Variants in GSAP observed in about 807,000 individuals in gnomAD.
GSAP encodes the protein gamma-secretase activating protein.
Under a neutral mutation model 131.7 loss-of-function variants are expected in GSAP, and 118 were observed. The ratio of observed to expected loss-of-function variants is 0.90; its 90% CI spans 0.77 to 1.04. GSAP has a LOEUF of 1.04. Ranked by LOEUF, GSAP falls within the 50% of genes least tolerant of loss-of-function variation. The pLI, the probability that GSAP is intolerant of heterozygous loss-of-function variation, is 0.00. For synonymous variants in GSAP, 381 were observed against 363.4 expected (o/e 1.05, Z -0.55); for missense variants, 1,019 against 1,013.2 (o/e 1.01, Z -0.08).
intron 1 of GSAP, among the ~76,000 whole-genome samples, chr7:77,410,809 T>C (rs1390203871): frequency 2.0e-5 from 3 of 152,130 alleles, no homozygotes; most frequent in African/African-American, 7.2e-5. Flanking sequence ...GAGAAAAACG[T>C]CATTCAGCCT....
chr7:77,347,784 A>AGTT (rs1277644413), intron 19 of GSAP, among the ~76,000 whole-genome samples: 1 of 152,186 alleles, frequency 6.6e-6, no homozygotes, highest in African/African-American at 2.4e-5. Flanking sequence ...GAGAAGAGAC[A>AGTT]GTTGGTACAT....
chr7:77,311,339 T>C lies in GSAP; in HGVS notation c.*19A>G, dbSNP rs1794324798. On this transcript the variant is annotated 3_prime_UTR_variant, in exon 31 of 31. Coordinates refer to ENST00000257626, the MANE Select transcript of GSAP (RefSeq NM_017439.4). ...GCAAGATTAAAATGGCAGCAGCAGA[T>C]CCAATTGCGTTTTCTTTTTCATAAG... The C allele has an allele frequency of 7.0e-7, 1 of 1,425,030 alleles. No homozygotes were observed. The highest frequency in any genetic ancestry group is 9.9e-7 in the Non-Finnish European group (1 of 1,007,778). The allele number at this position is 1,425,030 out of a possible 1,614,324, so 88.3% of individuals were successfully genotyped here. A position where few individuals can be genotyped will look rare whatever the true frequency, so the allele number is the denominator to read the frequency against.
chr7:77,411,472 A>G (rs896876898), intron 1 of GSAP, among the ~76,000 whole-genome samples: 1 of 152,270 alleles, frequency 6.6e-6, no homozygotes, highest in Non-Finnish European at 1.5e-5. Context: ...ATAGTGCTAT[A>G]TACCAGCAAT....
intron 18 of GSAP, chr7:77,351,226 CA>C (rs532206685): frequency 3.3e-5 from 32 of 979,208 alleles, no homozygotes; most frequent in African/African-American, 1.1e-4. Context: ...GAGGATACCT[CA>C]AAAAAAATTA....
At chr7:77,357,168 T>C (rs1179354823) in intron 14 of GSAP, among the ~76,000 whole-genome samples, 4 of 152,076 alleles carry the variant, frequency 2.6e-5, no homozygotes, top group African/African-American at 9.7e-5. Flanking sequence ...ATTGAGGTAG[T>C]GAGAGGGAGA....
chr7:77,416,155 G>A (rs900884453), intron 1 of GSAP, 58 bp downstream of exon 1: 15 of 1,017,256 alleles, frequency 1.5e-5, no homozygotes, highest in South Asian at 1.9e-5. Flanking sequence ...GGAGTCCGGG[G>A]GGTATGAGGG....
chr7:77,325,553 CTGTTGTTTTTATGT>C (rs1788213731), intron 23 of GSAP, among the ~76,000 whole-genome samples: 2 of 152,030 alleles, frequency 1.3e-5, no homozygotes, highest in African/African-American at 4.8e-5. Flanking sequence ...GTACTTTGTT[CTGTTGTTTTTATGT>C]TGTTGTTTTG....
intron 1 of GSAP, among the ~76,000 whole-genome samples, chr7:77,412,043 G>C (rs1355986303): frequency 3.3e-5 from 5 of 152,176 alleles, no homozygotes; most frequent in Non-Finnish European, 5.9e-5. Flanking sequence ...GCTGGGCGTG[G>C]CAGCATATGC....
intron 19 of GSAP, among the ~76,000 whole-genome samples, chr7:77,346,386 A>G (rs1791870569): frequency 6.6e-6 from 1 of 151,810 alleles, no homozygotes; most frequent in African/African-American, 2.4e-5. Context: ...TCCAAAAAAC[A>G]GAAGAACAAT....
chr7:77,319,198 C>T (rs1425894110), intron 26 of GSAP, among the ~76,000 whole-genome samples: 1 of 152,094 alleles, frequency 6.6e-6, no homozygotes, highest in Non-Finnish European at 1.5e-5. Context: ...ACTCAAACCT[C>T]AATAGCAAGA....
rs771967510 is a variant in GSAP at position 77,376,900 on chromosome 7, C to T, written c.689G>A (p.Arg230Lys). 1 of 1,449,056 alleles carries T rather than the reference C, an allele frequency of 6.9e-7. No individual in the cohort carries two copies. Among genetic ancestry groups the T allele is most frequent in the Admixed American group, 2.1e-5 (1 of 46,512 alleles). 89.8% of individuals were successfully genotyped at this position (1,449,056 alleles called of 1,614,324 possible). A position where few individuals can be genotyped will look rare whatever the true frequency, so the allele number is the denominator to read the frequency against. Residue 230 changes from arginine to lysine, a missense_variant, in exon 10 of 31, where the codon AGG becomes AAG. Physicochemically the swap from Arg to Lys is conservative, Grantham distance 26 (BLOSUM62 2). Transcript: ENST00000257626. ...RLYYIDLKKS[R>K]SILKCIQFYA... ...AAACTGGATACATTTTAAGATACTC[C>T]TTGATTTCTAAAAGAGAAAACAGAA...
chr7:77,361,484 A>G (rs1236391272), intron 13 of GSAP, among the ~76,000 whole-genome samples: 1 of 152,214 alleles, frequency 6.6e-6, no homozygotes, highest in African/African-American at 2.4e-5. Context: ...CAACTTAAGT[A>G]TGAATAGAAT....
Position 77,381,302 on chromosome 7 carries a change from T to C in GSAP, c.576+3A>G. The C allele has an allele frequency of 3.3e-6, 5 of 1,537,104 alleles. No individual in the cohort carries two copies. The South Asian group carries it at 6.2e-5, about 19-fold the overall frequency. On this transcript the variant is annotated splice_donor_region_variant and intron_variant, in intron 8 of 30. Coordinates refer to ENST00000257626, the MANE Select transcript of GSAP (RefSeq NM_017439.4). The stretch of plus-strand genomic sequence containing the variant: ...TGAAGCGAAAAGAATTTCAAATCTT[T>C]ACCACTCTATTTCCATCTTCTTGGG...
chr7:77,359,989 G>A (rs1325506155), intron 14 of GSAP, among the ~76,000 whole-genome samples: 1 of 152,068 alleles, frequency 6.6e-6, no homozygotes, highest in Non-Finnish European at 1.5e-5. Context: ...GCCCATACTG[G>A]CCCACTCAGC....
chr7:77,350,978 TA>T (rs559996884), intron 18 of GSAP: 66 of 294,646 alleles, frequency 2.2e-4, no homozygotes, highest in Non-Finnish European at 3.1e-4. Flanking sequence ...TTCATTTCCT[TA>T]AAAAAAAGTA....
chr7:77,367,033 GT>G (rs1242504175), intron 12 of GSAP, among the ~76,000 whole-genome samples: 6 of 152,302 alleles, frequency 3.9e-5, no homozygotes, highest in African/African-American at 1.4e-4. Context: ...CTTTGCTCTT[GT>G]TGGTGTAAAG....
intron 3 of GSAP, among the ~76,000 whole-genome samples, chr7:77,400,524 A>G (rs946877974): frequency 1.3e-5 from 2 of 152,198 alleles, no homozygotes; most frequent in African/African-American, 2.4e-5. Flanking sequence ...GTGTCCAAGT[A>G]GGCCAAGTGG....
At chr7:77,388,076 A>G (rs559697478) in intron 5 of GSAP, among the ~76,000 whole-genome samples, 3 of 152,294 alleles carry the variant, frequency 2.0e-5, no homozygotes, top group South Asian at 2.1e-4. Flanking sequence ...TACCAGGGGG[A>G]AAAAAAGGTG....
chr7:77,364,746 C>G (rs991713960), intron 12 of GSAP, among the ~76,000 whole-genome samples: 2 of 152,076 alleles, frequency 1.3e-5, no homozygotes, highest in Non-Finnish European at 2.9e-5. Flanking sequence ...AACTTATAAG[C>G]AAATATTTCC....
Sources: gnomAD v4.1 joint callset for allele counts (sites outside exome capture counted in the v4.1 genomes callset) on GRCh38, gnomAD v4.1.1 for gene constraint, MANE v1.5 for transcripts, NCBI Gene and HGNC (gene_info 2026-07-23, HGNC 2026-07-21) for gene names.